HDAC9: variants seen among roughly 807,000 people sequenced by gnomAD.
The protein encoded by HDAC9 is histone deacetylase 9.
HDAC9 carries 41 observed loss-of-function variants against 139.4 expected under a neutral mutation model. The observed-to-expected ratio is 0.29, with a 90% CI of 0.23 to 0.38. The LOEUF is 0.38. Ranked by LOEUF, HDAC9 falls within the 10% of genes least tolerant of loss-of-function variation. The probability of loss-of-function intolerance (pLI) is 1.00; values close to 1 mark genes in which losing one functional copy is unlikely to be tolerated. For missense variants in HDAC9, 1,147 were observed against 1,297.0 expected (o/e 0.88, Z 1.78); for synonymous variants, 517 against 476.2 (o/e 1.09, Z -1.12).
intron 12 of HDAC9, among the ~76,000 whole-genome samples, chr7:18,703,460 T>C (rs1185773985): frequency 6.6e-6 from 1 of 152,202 alleles, no homozygotes; most frequent in Non-Finnish European, 1.5e-5. Flanking sequence ...ATTGTACGAA[T>C]TAATATTAAT....
intron 1 of HDAC9, among the ~76,000 whole-genome samples, chr7:18,117,796 C>T (rs902737555): frequency 2.0e-5 from 3 of 152,162 alleles, no homozygotes; most frequent in African/African-American, 7.2e-5. Context: ...GCTGCCCAGT[C>T]TGTGGTACTT....
At chr7:18,709,146 G>A (rs1784159600) in intron 12 of HDAC9, among the ~76,000 whole-genome samples, 1 of 151,452 alleles carries the variant, frequency 6.6e-6, no homozygotes, top group Admixed American at 6.6e-5. Context: ...GTGTGCCATG[G>A]TGATTTGCTT....
intron 2 of HDAC9, among the ~76,000 whole-genome samples, chr7:18,583,060 G>A (rs73313265): frequency 2.6e-5 from 4 of 152,006 alleles, no homozygotes; most frequent in African/African-American, 9.7e-5. Context: ...TGATCTAGAT[G>A]TTTTAGTATT....
Position 18,150,002 on chromosome 7 carries a change from C to T in HDAC9, c.-96-12227C>T, listed in dbSNP as rs567170991. 2.6e-5 allele frequency among the ~76,000 whole-genome samples: 4 copies of T among 152,034 alleles called. No individual in the cohort carries two copies. The South Asian group carries it at 6.2e-4, about 24-fold the overall frequency. On this transcript the variant is annotated intron_variant, in intron 1 of 12. Transcript: ENST00000417496. ...GTAATCTAAAGTGCTCAGCCATAATCCCATTACTAATTCTTGTTGGTTATT... is the reference window on the plus strand; with the variant it reads ...GTAATCTAAAGTGCTCAGCCATAATTCCATTACTAATTCTTGTTGGTTATT...
chr7:18,711,476 T>C (rs570250119), intron 12 of HDAC9, among the ~76,000 whole-genome samples: 1 of 152,324 alleles, frequency 6.6e-6, no homozygotes, highest in African/African-American at 2.4e-5. Context: ...ACAATAGTCC[T>C]AACACCATAA....
At chr7:18,357,805 G>T (rs937775757) in intron 1 of HDAC9, among the ~76,000 whole-genome samples, 4 of 152,108 alleles carry the variant, frequency 2.6e-5, no homozygotes, top group Non-Finnish European at 1.5e-5. Context: ...TAGTGTCTCA[G>T]TGTTTCACTG....
chr7:18,368,487 C>A (rs1784355234), intron 1 of HDAC9, among the ~76,000 whole-genome samples: 1 of 151,846 alleles, frequency 6.6e-6, no homozygotes, highest in African/African-American at 2.4e-5. Context: ...TTGCTGAGAC[C>A]TTTGCTTCTC....
intron 24 of HDAC9, among the ~76,000 whole-genome samples, chr7:18,966,237 G>A (rs186703061): frequency 3.9e-4 from 60 of 152,218 alleles, no homozygotes; most frequent in Middle Eastern, 3.4e-3. Context: ...TATAACTAGC[G>A]CTTCCCTTTT....
intron 2 of HDAC9, among the ~76,000 whole-genome samples, chr7:18,549,533 T>C (rs1816384540): frequency 6.6e-6 from 1 of 152,108 alleles, no homozygotes; most frequent in African/African-American, 2.4e-5. Context: ...GGCATTATAT[T>C]GAAGGAAAAA....
chr7:18,726,638 A>G (rs1388505443), intron 12 of HDAC9, among the ~76,000 whole-genome samples: 2 of 151,804 alleles, frequency 1.3e-5, no homozygotes, highest in Non-Finnish European at 2.9e-5. Context: ...GAACTCCCTC[A>G]TGTTGAAGAT....
intron 1 of HDAC9, among the ~76,000 whole-genome samples, chr7:18,456,771 G>A (rs934847299): frequency 1.3e-5 from 2 of 152,164 alleles, no homozygotes; most frequent in Non-Finnish European, 2.9e-5. Flanking sequence ...TGATTCGCAA[G>A]TTCCTCGTTC....
chr7:18,321,886 G>T (rs1403914281), intron 1 of HDAC9, among the ~76,000 whole-genome samples: 2 of 152,052 alleles, frequency 1.3e-5, no homozygotes, highest in Non-Finnish European at 2.9e-5. Flanking sequence ...ATAAAAAGTA[G>T]GGCAGAAATC....
At chr7:18,646,364 AT>A (rs1787412628) in intron 9 of HDAC9, among the ~76,000 whole-genome samples, 1 of 152,158 alleles carries the variant, frequency 6.6e-6, no homozygotes, top group South Asian at 2.1e-4. Flanking sequence ...AGGTAATACG[AT>A]TTGGTACCAT....
chr7:18,849,756 C>T (rs1797148855), intron 21 of HDAC9, among the ~76,000 whole-genome samples: 1 of 152,146 alleles, frequency 6.6e-6, no homozygotes, highest in Admixed American at 6.5e-5. Context: ...AGTTCATACT[C>T]TCCATGATGA....
Position 18,496,306 on chromosome 7 carries a change from C to T in HDAC9, c.4C>T (p.His2Tyr), listed in dbSNP as rs1373567498. 6.2e-7 allele frequency: 1 copy of T among 1,613,072 alleles called. No homozygotes were observed. The highest frequency in any genetic ancestry group is 8.5e-7 in the Non-Finnish European group (1 of 1,179,358). Residue 2 changes from histidine to tyrosine, a missense_variant, in exon 2 of 26, where the codon CAC becomes TAC. His to Tyr is a moderately conservative substitution (Grantham distance 83). Transcript: ENST00000686413. Reference sequence around the variant, plus strand: ...GCAGCTCTTGGCTCAGCAAAGAATGCACAGTATGATCAGCTCAGGTAAGAT... The same window carrying T: ...GCAGCTCTTGGCTCAGCAAAGAATGTACAGTATGATCAGCTCAGGTAAGAT... M[H>Y]SMISSVDVKS... is the part of the protein sequence containing the mutation.
chr7:18,729,194 C>G (rs1785817599), intron 13 of HDAC9, among the ~76,000 whole-genome samples: 1 of 152,190 alleles, frequency 6.6e-6, no homozygotes, highest in Middle Eastern at 3.4e-3. Flanking sequence ...CTGAAAGTGT[C>G]TTTTATTCAA....
intron 1 of HDAC9, among the ~76,000 whole-genome samples, chr7:18,398,281 A>G (rs1029179504): frequency 3.9e-5 from 6 of 152,196 alleles, no homozygotes; most frequent in Admixed American, 1.3e-4. Flanking sequence ...ATAATGAACA[A>G]TATCAGTTTT....
chr7:18,903,482 T>C (rs1433542496), intron 22 of HDAC9, among the ~76,000 whole-genome samples: 1 of 152,224 alleles, frequency 6.6e-6, no homozygotes, highest in African/African-American at 2.4e-5. Context: ...AGACATCCAG[T>C]GGAATTTCCT....
chr7:18,530,030 G>A lies in HDAC9; in HGVS notation c.22+33706G>A, dbSNP rs140371560. The stretch of plus-strand genomic sequence containing the variant: ...TCACTTCCGTAATCCCAGCAATTTG[G>A]GGGGGTGTGGCAGGAGGATCACTTG... On this transcript the variant is annotated intron_variant, in intron 2 of 25. Coordinates refer to ENST00000686413, the MANE Select transcript of HDAC9 (RefSeq NM_178425.4). Among the ~76,000 whole-genome samples, 215 of 152,176 alleles carry A rather than the reference G, an allele frequency of 1.4e-3. 2 individuals carry two copies. Among genetic ancestry groups the A allele is most frequent in the African/African-American group, 4.9e-3 (205 of 41,518 alleles).
Sources: allele counts gnomAD v4.1 joint callset (sites outside exome capture counted in the v4.1 genomes callset), GRCh38; gene constraint gnomAD v4.1.1; transcripts MANE v1.5; gene names NCBI Gene and HGNC (gene_info 2026-07-23, HGNC 2026-07-21).